WWP1: variants seen among roughly 807,000 people sequenced by gnomAD.
WWP1 encodes the protein WW domain containing E3 ubiquitin protein ligase 1.
In WWP1, 49 loss-of-function variants were observed where a neutral mutation model predicts 130.6. The observed-to-expected ratio is 0.38, with a 90% CI of 0.30 to 0.48. The LOEUF is 0.48. Ranked by LOEUF, WWP1 falls within the 20% of genes least tolerant of loss-of-function variation. WWP1 has a pLI of 0.99. For missense variants in WWP1, 809 were observed against 1,100.6 expected (o/e 0.74, Z 3.75); for synonymous variants, 332 against 367.8 (o/e 0.90, Z 1.11).
intron 9 of WWP1, among the ~76,000 whole-genome samples, chr8:86,424,067 A>AG (rs1563519317): frequency 6.7e-6 from 1 of 148,358 alleles, no homozygotes; most frequent in Non-Finnish European, 1.5e-5. Flanking sequence ...TGCCGGGCGG[A>AG]GGGGCTCCTC....
chr8:86,427,141 T>A (rs2130655281), intron 10 of WWP1, among the ~76,000 whole-genome samples: 1 of 148,074 alleles, frequency 6.8e-6, no homozygotes, highest in Non-Finnish European at 1.5e-5. Flanking sequence ...TCAGCCTGGG[T>A]GACAAGAGCG....
At position 86,451,284 on chromosome 8, in the gene WWP1, A is replaced by C. The variant is rs1411357902; in HGVS notation, c.2274-1275A>C. 2.1e-5 allele frequency among the ~76,000 whole-genome samples: 3 copies of C among 141,980 alleles called. No individual in the cohort carries two copies. In the East Asian group the frequency reaches 6.6e-4, roughly 31 times the overall value. 93.1% of individuals were successfully genotyped at this position (141,980 alleles called of 152,430 possible). A position where few individuals can be genotyped will look rare whatever the true frequency, so the allele number is the denominator to read the frequency against. Reference sequence around the variant, plus strand: ...ATGAAAGCTTGCCCGATAGAGGGAGATTTTGGTACAGGGAAAACAGCAAGA... The same window carrying C: ...ATGAAAGCTTGCCCGATAGAGGGAGCTTTTGGTACAGGGAAAACAGCAAGA... On this transcript the variant is annotated intron_variant, in intron 20 of 24. Transcript: ENST00000517970.
intron 24 of WWP1, 139 bp downstream of exon 24, chr8:86,461,985 C>T (rs1811791904): frequency 3.0e-6 from 2 of 671,098 alleles, no homozygotes; most frequent in Non-Finnish European, 5.2e-6. Flanking sequence ...CAGATTAATA[C>T]AGCATTCTAT....
intron 5 of WWP1, among the ~76,000 whole-genome samples, chr8:86,396,822 A>G (rs1307410776): frequency 6.6e-6 from 1 of 151,446 alleles, no homozygotes; most frequent in East Asian, 1.9e-4. Context: ...TTGGTCTTGA[A>G]CTCCTGGGCT....
chr8:86,345,655 G>T (rs1224811629), intron 1 of WWP1, among the ~76,000 whole-genome samples: 1 of 151,900 alleles, frequency 6.6e-6, no homozygotes, highest in Non-Finnish European at 1.5e-5. Flanking sequence ...CAAGTGATCA[G>T]CTTGCCTTGG....
intron 1 of WWP1, among the ~76,000 whole-genome samples, chr8:86,344,910 T>C (rs914489535): frequency 3.3e-5 from 5 of 152,214 alleles, no homozygotes; most frequent in African/African-American, 9.6e-5. Flanking sequence ...GCCAGACTTA[T>C]GACCTTGGAT....
intron 1 of WWP1, among the ~76,000 whole-genome samples, chr8:86,362,163 CATATATATATATATAT>C (rs34231831): frequency 0.011 from 656 of 59,020 alleles, 17 homozygotes; most frequent in African/African-American, 0.027. Flanking sequence ...ATATACAAGG[CATATATATATATATAT>C]ATATATATAT....
At chr8:86,458,140 A>C in intron 22 of WWP1, 115 bp downstream of exon 22, 1 of 796,198 alleles carries the variant, frequency 1.3e-6, no homozygotes, top group Non-Finnish European at 1.9e-6. Context: ...ACAGTTTATA[A>C]TTTTTTAATT....
chr8:86,428,635 G>A (rs1407143556), intron 11 of WWP1, among the ~76,000 whole-genome samples: 1 of 152,118 alleles, frequency 6.6e-6, no homozygotes, highest in African/African-American at 2.4e-5. Flanking sequence ...TCATTTGCAG[G>A]TTGACCTACT....
chr8:86,431,605 T>C lies in WWP1; in HGVS notation c.1473-10T>C. 1.2e-6 allele frequency: 2 copies of C among 1,612,970 alleles called. No individual in the cohort carries two copies. Among genetic ancestry groups the C allele is most frequent in the Admixed American group, 1.7e-5 (1 of 59,776 alleles). On this transcript the variant is annotated splice_polypyrimidine_tract_variant and intron_variant, in intron 13 of 24. Coordinates refer to ENST00000517970, the MANE Select transcript of WWP1 (RefSeq NM_007013.4). ...AAGGTTCATCTTGTGATTTTAACTT[T>C]ATCTTTTAGCTTACAGAATGAAGAA...
intron 9 of WWP1, among the ~76,000 whole-genome samples, chr8:86,415,601 C>T (rs557968001): frequency 7.2e-5 from 11 of 152,120 alleles, no homozygotes; most frequent in African/African-American, 2.2e-4. Flanking sequence ...TTGGCAAATG[C>T]GTATGTCTGT....
In WWP1 at chr8:86,359,532, G is replaced by T. The variant is rs551588900; in HGVS notation, c.-114-9407G>T. 7.2e-5 allele frequency among the ~76,000 whole-genome samples: 11 copies of T among 151,920 alleles called. No individual in the cohort carries two copies. In the South Asian group the frequency reaches 2.1e-3, roughly 29 times the overall value. ...CCCAAAGAGTGTCTCCTACTTCACCGAGAAAATTGGAGACATTAGGTAACA... is the reference window on the plus strand; with the variant it reads ...CCCAAAGAGTGTCTCCTACTTCACCTAGAAAATTGGAGACATTAGGTAACA... On this transcript the variant is annotated intron_variant, in intron 1 of 24. Transcript: ENST00000517970.
rs1249209583 is a variant in WWP1 at position 86,372,148 on chromosome 8, C to T, written c.-21-1882C>T. Among the ~76,000 whole-genome samples the T allele has an allele frequency of 2.0e-4, 30 of 150,880 alleles. 2 individuals are homozygous for T. Among genetic ancestry groups the T allele is most frequent in the African/African-American group, 4.4e-4 (18 of 40,982 alleles). On this transcript the variant is annotated intron_variant, in intron 2 of 24. Transcript: ENST00000517970. ...ACGCCATTCTCCTGCCTCAGCCTCC[C>T]GTGTAGCTGGGACTACAGGCGCGCG...
chr8:86,434,841 C>A (rs900455541), intron 14 of WWP1, among the ~76,000 whole-genome samples: 1 of 152,158 alleles, frequency 6.6e-6, no homozygotes, highest in African/African-American at 2.4e-5. Flanking sequence ...CCAAAGTGTT[C>A]CTTAACATTA....
chr8:86,356,605 G>A (rs1226561017), intron 1 of WWP1, among the ~76,000 whole-genome samples: 2 of 151,984 alleles, frequency 1.3e-5, no homozygotes, highest in African/African-American at 4.8e-5. Flanking sequence ...TGACATAATA[G>A]AGTAACGATG....
At chr8:86,354,458 G>A in intron 1 of WWP1, among the ~76,000 whole-genome samples, 1 of 151,720 alleles carries the variant, frequency 6.6e-6, no homozygotes, top group East Asian at 1.9e-4. Context: ...TTAGCTTTTT[G>A]CATTTTGGGT....
At chr8:86,372,017 A>ATTTTTTTTTTTTT (rs34458424) in intron 2 of WWP1, among the ~76,000 whole-genome samples, 1 of 70,216 alleles carries the variant, frequency 1.4e-5, no homozygotes, top group African/African-American at 6.0e-5. Context: ...TAATTTTTGT[A>ATTTTTTTTTTTTT]TTTTTTTTTT....
chr8:86,423,496 C>A (rs1809350995), intron 9 of WWP1, among the ~76,000 whole-genome samples: 1 of 152,122 alleles, frequency 6.6e-6, no homozygotes, highest in Admixed American at 6.5e-5. Flanking sequence ...ATCCATTTAA[C>A]CCTGAGTGGA....
At chr8:86,425,826 G>T (rs1277233959) in intron 10 of WWP1, among the ~76,000 whole-genome samples, 1 of 152,148 alleles carries the variant, frequency 6.6e-6, no homozygotes, top group Non-Finnish European at 1.5e-5. Context: ...CATGCTATTA[G>T]GCTGTCATTC....
Sources: allele counts gnomAD v4.1 joint callset (sites outside exome capture counted in the v4.1 genomes callset), GRCh38; gene constraint gnomAD v4.1.1; transcripts MANE v1.5; gene names NCBI Gene and HGNC (gene_info 2026-07-23, HGNC 2026-07-21).